Variants in XPNPEP1 observed in about 807,000 individuals in gnomAD.
The protein encoded by XPNPEP1 is X-prolyl aminopeptidase 1, also known as xaa-Pro aminopeptidase 1.
A neutral mutation model predicts 92.4 loss-of-function variants in XPNPEP1; 39 were observed. That is an observed-to-expected ratio of 0.42 (90% CI 0.33 to 0.55). The LOEUF (loss-of-function observed/expected upper bound fraction) is 0.55, where lower values mean the gene tolerates loss of function less well. Ranked by LOEUF, XPNPEP1 falls within the 20% of genes least tolerant of loss-of-function variation. XPNPEP1 has a pLI of 0.08. For synonymous variants in XPNPEP1, 307 were observed against 299.4 expected (o/e 1.03, Z -0.26); for missense variants, 654 against 856.1 (o/e 0.76, Z 2.95).
chr10:109,871,875 C>T lies in XPNPEP1; in HGVS notation c.1453-14G>A, dbSNP rs1356269253. On this transcript the variant is annotated splice_polypyrimidine_tract_variant and intron_variant, in intron 16 of 20. Transcript: ENST00000502935. ...TGTGAAGCATTCCTGCAAAGAAAAC[C>T]CAGGGGCATGTTGCAGAATGGGGAC... The T allele has an allele frequency of 6.2e-7, 1 of 1,612,784 alleles. No individual in the cohort carries two copies. The highest frequency in any genetic ancestry group is 1.3e-5 in the African/African-American group (1 of 74,842).
chr10:109,884,034 G>C (rs773548447), intron 9 of XPNPEP1, 33 bp downstream of exon 9: 1 of 1,606,874 alleles, frequency 6.2e-7, no homozygotes, highest in South Asian at 1.1e-5. Context: ...AGGAGCTCTG[G>C]AAGGGAGTTC....
At chr10:109,894,662 C>T (rs554172722) in intron 3 of XPNPEP1, among the ~76,000 whole-genome samples, 1 of 152,262 alleles carries the variant, frequency 6.6e-6, no homozygotes, top group South Asian at 2.1e-4. Flanking sequence ...ACCACAATGG[C>T]AGGATAAAGC....
At chr10:109,869,203 G>A (rs1373677652) in intron 19 of XPNPEP1, among the ~76,000 whole-genome samples, 1 of 152,194 alleles carries the variant, frequency 6.6e-6, no homozygotes, top group Non-Finnish European at 1.5e-5. Flanking sequence ...GCAGCTTTTG[G>A]GAATAAGATG....
chr10:109,907,707 G>A lies in XPNPEP1; in HGVS notation c.230C>T (p.Ser77Leu), dbSNP rs776040608. 5 of 1,614,208 alleles carry A rather than the reference G, an allele frequency of 3.1e-6. No individual in the cohort carries two copies. The highest frequency in any genetic ancestry group is 4.5e-5 in the East Asian group (2 of 44,888). The change falls in exon 3 of 21, where the codon TCG (serine) becomes TTG (leucine). Residue 77 changes from serine to leucine, a missense_variant. Ser to Leu is a moderately radical substitution (Grantham distance 145, BLOSUM62 -2). Transcript: ENST00000502935. ...TEPIQAYIIPSGDAHQSEYIA... is the reference protein window; with the variant it reads ...TEPIQAYIIPLGDAHQSEYIA... ...ATGCAGTACCTGATGAGCATCTCCC[G>A]ATGGGATGATGTAGGCCTGGATCGG... is the stretch of plus-strand genomic sequence containing the variant.
intron 14 of XPNPEP1, 56 bp from the exon 15 acceptor site, chr10:109,875,655 TG>T: frequency 6.6e-7 from 1 of 1,504,948 alleles, no homozygotes; most frequent in Admixed American, 1.7e-5. Context: ...TTAGTGAATC[TG>T]GGAGGAGGAC....
intron 3 of XPNPEP1, among the ~76,000 whole-genome samples, chr10:109,898,222 G>C (rs1849086135): frequency 1.3e-5 from 2 of 152,138 alleles, no homozygotes; most frequent in African/African-American, 2.4e-5. Flanking sequence ...CTGTAAAATG[G>C]GGATGAACAT....
chr10:109,910,215 T>C (rs1184877569), intron 2 of XPNPEP1, among the ~76,000 whole-genome samples: 1 of 152,160 alleles, frequency 6.6e-6, no homozygotes. Context: ...AAACATACAA[T>C]ACATAGCTTT....
chr10:109,873,293 A>G, intron 16 of XPNPEP1, 74 bp downstream of exon 16: 2 of 1,572,538 alleles, frequency 1.3e-6, no homozygotes, highest in African/African-American at 1.4e-5. Flanking sequence ...TCTTTATACA[A>G]TCCCTTTTCA....
At chr10:109,910,622 CCTGAATAATA>C (rs1849816748) in intron 2 of XPNPEP1, among the ~76,000 whole-genome samples, 1 of 151,600 alleles carries the variant, frequency 6.6e-6, no homozygotes, top group Non-Finnish European at 1.5e-5. Context: ...TTTTTTTAGC[CCTGAATAATA>C]CTCCATTGTC....
rs148257795 is a variant in XPNPEP1 at position 109,897,284 on chromosome 10, A to G, written c.247-4209T>C. ...GTAAACTACAAAAAAAAAAAAAGCT[A>G]GTCATCTCTCAAAAATCTGGTTCAA... is the stretch of plus-strand genomic sequence containing the variant. On this transcript the variant is annotated intron_variant, in intron 3 of 20. Transcript: ENST00000502935. Among the ~76,000 whole-genome samples, 1,123 of 151,968 alleles carry G rather than the reference A, an allele frequency of 7.4e-3. 15 individuals carry two copies. The highest frequency in any genetic ancestry group is 8.6e-3 in the Non-Finnish European group (581 of 67,916).
chr10:109,889,601 A>G (rs1255143439), intron 5 of XPNPEP1, among the ~76,000 whole-genome samples: 6 of 152,390 alleles, frequency 3.9e-5, no homozygotes, highest in South Asian at 4.1e-4. Flanking sequence ...AATTACTTCT[A>G]TAGTCCAGTT....
chr10:109,887,932 C>T (rs1476683012), intron 7 of XPNPEP1, 117 bp downstream of exon 7: 16 of 1,442,068 alleles, frequency 1.1e-5, no homozygotes, highest in East Asian at 7.4e-5. Flanking sequence ...CAGAGTAGGG[C>T]AAAATCCTCC....
chr10:109,892,759 T>G (rs1848770242), intron 4 of XPNPEP1, among the ~76,000 whole-genome samples: 1 of 152,162 alleles, frequency 6.6e-6, no homozygotes, highest in Non-Finnish European at 1.5e-5. Flanking sequence ...AATAAAAAGT[T>G]CAAAAACTTT....
At chr10:109,908,122 G>C (rs1394740050) in intron 2 of XPNPEP1, among the ~76,000 whole-genome samples, 1 of 152,196 alleles carries the variant, frequency 6.6e-6, no homozygotes, top group African/African-American at 2.4e-5. Flanking sequence ...TAAGTACACA[G>C]AAATTTAGGT....
chr10:109,891,757 T>C lies in XPNPEP1; in HGVS notation c.380A>G (p.Lys127Arg). Residue 127 changes from lysine to arginine, a missense_variant, in exon 5 of 21, where the codon AAG (lysine) becomes AGG (arginine). Physicochemically the swap from Lys to Arg is conservative, Grantham distance 26. Coordinates refer to ENST00000502935, the MANE Select transcript of XPNPEP1 (RefSeq NM_020383.4). ...AAGTGTCCAGTTGCTGTCCATTTGCTTGGCAGCCTGGAGAAAGTAGCGCCC... is the reference window on the plus strand; with the variant it reads ...AAGTGTCCAGTTGCTGTCCATTTGCCTGGCAGCCTGGAGAAAGTAGCGCCC... ...TDGRYFLQAA[K>R]QMDSNWTLMK... 3 of 1,594,064 alleles carry C rather than the reference T, an allele frequency of 1.9e-6. No homozygotes were observed. Among genetic ancestry groups the C allele is most frequent in the Non-Finnish European group, 2.6e-6 (3 of 1,174,032 alleles).
At chr10:109,881,727 G>A (rs1193547584) in intron 10 of XPNPEP1, among the ~76,000 whole-genome samples, 1 of 152,176 alleles carries the variant, frequency 6.6e-6, no homozygotes, top group Non-Finnish European at 1.5e-5. Flanking sequence ...AGAGGCCCAG[G>A]GGAGGACAGT....
In XPNPEP1 at chr10:109,877,945, C is replaced by T. The variant is rs148483121; in HGVS notation, c.1241+55G>A. On this transcript the variant is annotated intron_variant, in intron 13 of 20. Transcript: ENST00000502935. Reference sequence around the variant, plus strand: ...GATTCAGGGCCCTTCCAGCCTCATTCAACTAGCAAGAAAATCAGCACGAGG... The same window carrying T: ...GATTCAGGGCCCTTCCAGCCTCATTTAACTAGCAAGAAAATCAGCACGAGG... 2,144 of 1,614,140 alleles carry T rather than the reference C, an allele frequency of 1.3e-3. 4 individuals are homozygous for T. Among genetic ancestry groups the T allele is most frequent in the Non-Finnish European group, 1.7e-3 (2,044 of 1,179,984 alleles).
rs886514054 is a variant in XPNPEP1, at chr10:109,867,335, C to T, written c.1872+1279G>A. Among the ~76,000 whole-genome samples the T allele has an allele frequency of 6.6e-6, 1 of 152,252 alleles. No individual in the cohort carries two copies. Among genetic ancestry groups the T allele is most frequent in the Non-Finnish European group, 1.5e-5 (1 of 68,054 alleles). Reference sequence around the variant, plus strand: ...CTTCCTGCTGAAGAGACACACCAGACATTGTGCTGATAGGCTGAGTTTCCT... The same window carrying T: ...CTTCCTGCTGAAGAGACACACCAGATATTGTGCTGATAGGCTGAGTTTCCT... On this transcript the variant is annotated intron_variant, in intron 20 of 20. Transcript: ENST00000502935. The surrounding 1 kb of genome is among the most constrained non-coding windows in gnomAD (Gnocchi z 4.5).
chr10:109,892,110 T>C (rs1392172527), intron 4 of XPNPEP1, among the ~76,000 whole-genome samples: 2 of 152,154 alleles, frequency 1.3e-5, no homozygotes, highest in African/African-American at 4.8e-5. Flanking sequence ...GAACAGAGAA[T>C]GGAGAACTGT....
Sources: gnomAD v4.1 joint callset for allele counts (sites outside exome capture counted in the v4.1 genomes callset) on GRCh38, gnomAD v4.1.1 for gene constraint, Gnocchi (gnomAD v3.1) non-coding constraint, MANE v1.5 for transcripts, NCBI Gene and HGNC (gene_info 2026-07-23, HGNC 2026-07-21) for gene names.